SGPP2: variants seen among roughly 807,000 people sequenced by gnomAD.
SGPP2 encodes sphingosine 1-phosphate phosphohydrolase 2.
Under a neutral mutation model 33.9 loss-of-function variants are expected in SGPP2, and 30 were observed. The ratio of observed to expected loss-of-function variants is 0.89; its 90% CI spans 0.66 to 1.20. The LOEUF (loss-of-function observed/expected upper bound fraction) is 1.20, where lower values mean the gene tolerates loss of function less well. SGPP2 is among the 50% of genes most tolerant of loss of function. The pLI is 0.00. For synonymous variants in SGPP2, 233 were observed against 225.0 expected, an observed-to-expected ratio of 1.04 and a Z score of -0.32; for missense variants, 458 against 532.1, an observed-to-expected ratio of 0.86 and a Z score of 1.37.
intron 4 of SGPP2, among the ~76,000 whole-genome samples, chr2:222,525,564 C>G (rs775439638): frequency 4.6e-5 from 7 of 152,082 alleles, no homozygotes; most frequent in Non-Finnish European, 1.0e-4. Flanking sequence ...GTCCATCCAC[C>G]CTTTTACCAT....
intron 2 of SGPP2, among the ~76,000 whole-genome samples, chr2:222,486,077 T>C (rs1698102589): frequency 6.6e-6 from 1 of 152,200 alleles, no homozygotes; most frequent in South Asian, 2.1e-4. Context: ...CATTCCTCTC[T>C]TGTGGGTTTG....
intron 1 of SGPP2, among the ~76,000 whole-genome samples, chr2:222,438,931 T>TG (rs1157606907): frequency 6.6e-6 from 1 of 152,150 alleles, no homozygotes; most frequent in African/African-American, 2.4e-5. Context: ...AGGGAGCCAA[T>TG]GGGGGGGTTC....
intron 1 of SGPP2, among the ~76,000 whole-genome samples, chr2:222,452,025 A>G (rs1174625112): frequency 1.5e-5 from 1 of 68,294 alleles, no homozygotes; most frequent in Non-Finnish European, 3.1e-5. Context: ...CTAATAATAG[A>G]TTTTCTTTTT....
rs76718683 is a variant in SGPP2 at position 222,541,361 on chromosome 2, A to G, written c.648+16328A>G. The stretch of plus-strand genomic sequence containing the variant: ...AGAGTATCTCAAGACATGCTGTTTT[A>G]TGCTTTGCACACTTCATTTAATAAA... On this transcript the variant is annotated intron_variant, in intron 4 of 4. Coordinates refer to ENST00000321276, the MANE Select transcript of SGPP2 (RefSeq NM_152386.4). Among the ~76,000 whole-genome samples, 432 of 152,336 alleles carry G rather than the reference A, an allele frequency of 2.8e-3. 3 individuals are homozygous for G. The highest frequency in any genetic ancestry group is 9.6e-3 in the African/African-American group (399 of 41,578).
chr2:222,521,842 C>G lies in SGPP2; in HGVS notation c.454C>G (p.Leu152Val), dbSNP rs1698690712. 6.2e-7 allele frequency: 1 copy of G among 1,610,916 alleles called. No homozygotes were observed. Among genetic ancestry groups the G allele is most frequent in the African/African-American group, 1.3e-5 (1 of 74,576 alleles). ...PRPSSPPVVK[L>V]EKRLIAEYGM... The stretch of plus-strand genomic sequence containing the variant: ...TCCCTCCTCCCCTCCAGTTGTAAAA[C>G]TGGAAAAGAGACTGATCGCTGAATA... The change falls in exon 3 of 5, where the codon CTG becomes GTG. Residue 152 changes from leucine to valine, a missense_variant. Transcript: ENST00000321276.
At chr2:222,491,458 G>A (rs573631223) in intron 2 of SGPP2, among the ~76,000 whole-genome samples, 1 of 152,274 alleles carries the variant, frequency 6.6e-6, no homozygotes, top group East Asian at 1.9e-4. Flanking sequence ...GGGGAAGCAG[G>A]CACATCTTAC....
chr2:222,505,806 G>A (rs1237995909), intron 2 of SGPP2, among the ~76,000 whole-genome samples: 1 of 151,650 alleles, frequency 6.6e-6, no homozygotes, highest in Non-Finnish European at 1.5e-5. Flanking sequence ...TTGGCAGCAG[G>A]TACCTGTAGT....
intron 2 of SGPP2, among the ~76,000 whole-genome samples, chr2:222,518,914 T>A (rs1448914769): frequency 6.6e-6 from 1 of 152,190 alleles, no homozygotes; most frequent in East Asian, 1.9e-4. Context: ...TTTGCTGGAA[T>A]TATGCACGGA....
intron 1 of SGPP2, among the ~76,000 whole-genome samples, chr2:222,463,138 T>C (rs1697691007): frequency 6.6e-6 from 1 of 152,190 alleles, no homozygotes; most frequent in Admixed American, 6.5e-5. Flanking sequence ...GCAAGACTCT[T>C]TTGGCAAAAT....
At chr2:222,543,356 C>T (rs543949236) in intron 4 of SGPP2, among the ~76,000 whole-genome samples, 17 of 152,260 alleles carry the variant, frequency 1.1e-4, no homozygotes, top group South Asian at 6.2e-4. Context: ...TGACTTTATG[C>T]ATACAGTCGT....
At chr2:222,443,959 C>A (rs1697362534) in intron 1 of SGPP2, among the ~76,000 whole-genome samples, 1 of 152,166 alleles carries the variant, frequency 6.6e-6, no homozygotes. Context: ...TAAATAAGAT[C>A]ATCTGTGGAA....
intron 1 of SGPP2, chr2:222,452,347 A>G (rs1296721902): frequency 4.4e-6 from 3 of 685,308 alleles, no homozygotes; most frequent in African/African-American, 3.5e-5. Flanking sequence ...GGGGAGAGGA[A>G]GGATTCAGCC....
intron 2 of SGPP2, among the ~76,000 whole-genome samples, chr2:222,493,010 T>C (rs1698221467): frequency 6.6e-6 from 1 of 152,194 alleles, no homozygotes; most frequent in Non-Finnish European, 1.5e-5. Context: ...CTCTAGGAAG[T>C]TCCAAATTTT....
intron 2 of SGPP2, among the ~76,000 whole-genome samples, chr2:222,484,973 T>C (rs1698082959): frequency 6.6e-6 from 1 of 152,212 alleles, no homozygotes; most frequent in African/African-American, 2.4e-5. Flanking sequence ...ATGGTTCTCA[T>C]GGAAGCTGTT....
intron 1 of SGPP2, among the ~76,000 whole-genome samples, chr2:222,438,957 A>G (rs1242506400): frequency 6.6e-6 from 1 of 152,156 alleles, no homozygotes; most frequent in Non-Finnish European, 1.5e-5. Flanking sequence ...GCTGCTAAGT[A>G]TGTCTGTGCC....
chr2:222,532,408 A>G (rs1341505721), intron 4 of SGPP2, among the ~76,000 whole-genome samples: 1 of 152,244 alleles, frequency 6.6e-6, no homozygotes, highest in Non-Finnish European at 1.5e-5. Context: ...ACTCCTTGTC[A>G]GATGTGGTTT....
At position 222,561,416 on chromosome 2, in the gene SGPP2, T is replaced by C. The variant is rs1271912615; in HGVS notation, c.*2518T>C. On this transcript the variant is annotated 3_prime_UTR_variant, in exon 5 of 5. Transcript: ENST00000321276. ...ACCAAATAATTGTGGTTGACTTGTC[T>C]GAAGCCAGCTGACAAAAGGATCAGC... is the stretch of plus-strand genomic sequence containing the variant. Among the ~76,000 whole-genome samples, 1 of 152,076 alleles carries C rather than the reference T, an allele frequency of 6.6e-6. No individual in the cohort carries two copies. The highest frequency in any genetic ancestry group is 2.4e-5 in the African/African-American group (1 of 41,438).
intron 4 of SGPP2, among the ~76,000 whole-genome samples, chr2:222,538,155 G>A (rs1698941290): frequency 6.6e-6 from 1 of 152,192 alleles, no homozygotes; most frequent in Non-Finnish European, 1.5e-5. Context: ...GCTGGGAATT[G>A]GGGTGGTAGG....
At chr2:222,499,782 A>C (rs1698339132) in intron 2 of SGPP2, among the ~76,000 whole-genome samples, 1 of 151,952 alleles carries the variant, frequency 6.6e-6, no homozygotes, top group Admixed American at 6.6e-5. Flanking sequence ...CATTAAGGAG[A>C]TGGTGAGTTG....
Sources: gnomAD v4.1 joint callset for allele counts (sites outside exome capture counted in the v4.1 genomes callset) on GRCh38, gnomAD v4.1.1 for gene constraint, MANE v1.5 for transcripts, NCBI Gene and HGNC (gene_info 2026-07-23, HGNC 2026-07-21) for gene names.